WDR3: variants seen among roughly 807,000 people sequenced by gnomAD.
WDR3 encodes the protein WD repeat domain 3.
A neutral mutation model predicts 123.7 loss-of-function variants in WDR3; 81 were observed. The ratio of observed to expected loss-of-function variants is 0.65; its 90% CI spans 0.55 to 0.79. The LOEUF is 0.79. Ranked by LOEUF, WDR3 falls within the 30% of genes least tolerant of loss-of-function variation. The probability of loss-of-function intolerance (pLI) is 0.00; values close to 1 mark genes in which losing one functional copy is unlikely to be tolerated. For synonymous variants in WDR3, 390 were observed against 388.8 expected, an observed-to-expected ratio of 1.00 and a Z score of -0.04; for missense variants, 1,027 against 1,123.2, an observed-to-expected ratio of 0.91 and a Z score of 1.22.
chr1:117,942,295 TATC>T (rs1299984787), intron 9 of WDR3, 139 bp from the exon 10 acceptor site: 1 of 684,508 alleles, frequency 1.5e-6, no homozygotes, highest in African/African-American at 1.8e-5. Context: ...ATTGTTTAAT[TATC>T]ATGGTAATCC....
chr1:117,934,538 C>T lies in WDR3; in HGVS notation c.237C>T (p.His79=), dbSNP rs760195824. 6.2e-7 allele frequency: 1 copy of T among 1,614,166 alleles called. No homozygotes were observed. ...TCLCPSPDGL[H]LAVGYEDGSI... is the part of the protein sequence containing the mutation. Reference sequence around the variant, plus strand: ...TATGCCCCTCCCCAGATGGGCTACACTTAGCTGTTGGGTATGAGGATGGGT... The same window carrying T: ...TATGCCCCTCCCCAGATGGGCTACATTTAGCTGTTGGGTATGAGGATGGGT... Residue 79 remains histidine (H), a synonymous_variant, in exon 3 of 27, where the codon CAC becomes CAT. Coordinates refer to ENST00000349139, the MANE Select transcript of WDR3 (RefSeq NM_006784.3).
chr1:117,955,853 G>A (rs1365795092), intron 24 of WDR3, among the ~76,000 whole-genome samples: 1 of 150,820 alleles, frequency 6.6e-6, no homozygotes, highest in African/African-American at 2.4e-5. Flanking sequence ...GCTATTATCA[G>A]TGGCTTCACT....
At chr1:117,946,299 G>T in intron 12 of WDR3, 120 bp downstream of exon 12, 2 of 643,260 alleles carry the variant, frequency 3.1e-6, no homozygotes, top group African/African-American at 1.9e-5. Context: ...AATCTGGGAG[G>T]ATGTTAGTTT....
chr1:117,964,181 A>G lies in WDR3; in HGVS notation c.*4734A>G, dbSNP rs1376362424. ...CTCTCCTAACTGTGACTGGCTTTCT[A>G]TAAGGAGCCATCAGTATGGTCAAGC... On this transcript the variant is annotated 3_prime_UTR_variant, in exon 27 of 27. Coordinates refer to ENST00000349139, the MANE Select transcript of WDR3 (RefSeq NM_006784.3). 2 of 332,664 alleles carry G rather than the reference A, an allele frequency of 6.0e-6. No homozygotes were observed. Among genetic ancestry groups the G allele is most frequent in the Admixed American group, 4.1e-5 (1 of 24,440 alleles). 20.6% of individuals were successfully genotyped at this position (332,664 alleles called of 1,614,324 possible).
intron 11 of WDR3, among the ~76,000 whole-genome samples, chr1:117,944,762 T>A (rs1370366828): frequency 6.6e-6 from 1 of 152,158 alleles, no homozygotes; most frequent in Non-Finnish European, 1.5e-5. Context: ...AGTGCATTGA[T>A]GTGATCTCGC....
Position 117,963,417 on chromosome 1 carries a change from G to A in WDR3, c.*3970G>A, listed in dbSNP as rs1474586742. Reference sequence around the variant, plus strand: ...CTCGCTCTGTCTCCCAGGCTGGAGTGCAGTGGCACGATCTTGGCTCACTGC... The same window carrying A: ...CTCGCTCTGTCTCCCAGGCTGGAGTACAGTGGCACGATCTTGGCTCACTGC... On this transcript the variant is annotated 3_prime_UTR_variant, in exon 27 of 27. Transcript: ENST00000349139. The A allele has an allele frequency of 2.0e-5, 3 of 150,208 alleles. No homozygotes were observed. The highest frequency in any genetic ancestry group is 2.9e-5 in the Non-Finnish European group (2 of 68,394). The allele number at this position is 150,208 out of a possible 1,614,324, so 9.3% of individuals were successfully genotyped here.
At chr1:117,952,733 G>C in intron 19 of WDR3, 71 bp downstream of exon 19, 2 of 1,567,682 alleles carry the variant, frequency 1.3e-6, no homozygotes, top group Non-Finnish European at 1.7e-6. Context: ...GAAGTTTTCT[G>C]TCTAGTGCAG....
rs1001427895 is a variant in WDR3, at chr1:117,960,158, GTATGTA to G, written c.*712_*717del. On this transcript the variant is annotated 3_prime_UTR_variant, in exon 27 of 27. Coordinates refer to ENST00000349139, the MANE Select transcript of WDR3 (RefSeq NM_006784.3). Reference sequence around the variant, plus strand: ...TGTGTGTGTGTGTGTATGTGTATGTGTATGTACACATACATATATATAGTTGACACT... The same window carrying G: ...TGTGTGTGTGTGTGTATGTGTATGTGCACATACATATATATAGTTGACACT... 3 of 150,618 alleles carry G rather than the reference GTATGTA, an allele frequency of 2.0e-5. No individual in the cohort carries two copies. Among genetic ancestry groups the G allele is most frequent in the African/African-American group, 7.3e-5 (3 of 40,900 alleles). 9.3% of individuals were successfully genotyped at this position (150,618 alleles called of 1,614,324 possible).
chr1:117,939,523 G>T lies in WDR3; in HGVS notation c.626G>T (p.Gly209Val), dbSNP rs1463069756. The change falls in exon 6 of 27, where the codon GGG becomes GTG. Residue 209 changes from glycine (G) to valine (V), a missense_variant. Transcript: ENST00000349139. ...TCAGAAGAAAAGCGACTCATCACTG[G>T]GGCCTCAGACAGTGAACTGAGGGTA... ...LLSEEKRLIT[G>V]ASDSELRVWD... 1.2e-6 allele frequency: 2 copies of T among 1,613,784 alleles called. No homozygotes were observed. The highest frequency in any genetic ancestry group is 2.2e-5 in the South Asian group (2 of 91,078).
intron 25 of WDR3, among the ~76,000 whole-genome samples, chr1:117,958,534 G>A (rs1652555620): frequency 6.6e-6 from 1 of 152,132 alleles, no homozygotes; most frequent in African/African-American, 2.4e-5. Context: ...CTTTTTTGCT[G>A]TGGCTTTATT....
intron 4 of WDR3, among the ~76,000 whole-genome samples, chr1:117,937,535 T>C (rs1650989228): frequency 1.3e-5 from 2 of 152,208 alleles, no homozygotes; most frequent in South Asian, 4.1e-4. Context: ...TGGGATAGGA[T>C]ACAGGTAAAT....
rs1177263634 is a variant in WDR3, at chr1:117,949,992, T to C, written c.1611-3T>C. ...TTTTTCTTGATGTTTTTTGTGGTGCTAGACTTTCTGTGAAGCAAACCCGAA... is the reference window on the plus strand; with the variant it reads ...TTTTTCTTGATGTTTTTTGTGGTGCCAGACTTTCTGTGAAGCAAACCCGAA... On this transcript the variant is annotated splice_region_variant and splice_polypyrimidine_tract_variant and intron_variant, in intron 14 of 26. Transcript: ENST00000349139. 5.0e-6 allele frequency: 8 copies of C among 1,613,964 alleles called. No homozygotes were observed. Among genetic ancestry groups the C allele is most frequent in the Non-Finnish European group, 6.8e-6 (8 of 1,179,906 alleles).
At chr1:117,953,631 T>C in intron 21 of WDR3, 90 bp downstream of exon 21, 11 of 1,387,420 alleles carry the variant, frequency 7.9e-6, no homozygotes, top group Non-Finnish European at 1.1e-5. Context: ...AGAAAGCCAT[T>C]TTTTTGGCAA....
At chr1:117,948,534 G>A (rs1651490303) in intron 13 of WDR3, 28 bp downstream of exon 13, 1 of 1,590,010 alleles carries the variant, frequency 6.3e-7, no homozygotes, top group Non-Finnish European at 8.6e-7. Context: ...TAAAGCCCTG[G>A]AGTTCAGCCC....
chr1:117,947,733 A>G (rs1651457350), intron 12 of WDR3, among the ~76,000 whole-genome samples: 1 of 152,186 alleles, frequency 6.6e-6, no homozygotes, highest in African/African-American at 2.4e-5. Flanking sequence ...CTGGTACTCA[A>G]GTCTTTTAGC....
At chr1:117,953,852 G>A in intron 21 of WDR3, 155 bp from the exon 22 acceptor site, 1 of 657,848 alleles carries the variant, frequency 1.5e-6, no homozygotes, top group Admixed American at 3.1e-5. Context: ...AACCAAAAAT[G>A]TCTTTAAATG....
In WDR3 at chr1:117,941,028, A is replaced by T. The variant is rs1651153780; in HGVS notation, c.789+88A>T. On this transcript the variant is annotated intron_variant, in intron 7 of 26. Transcript: ENST00000349139. ...TTTTTAGGGAATCATCACTTTAGGG[A>T]ATATTTTTGTCACTTGCACTTATTA... 3 of 1,575,120 alleles carry T rather than the reference A, an allele frequency of 1.9e-6. No individual in the cohort carries two copies. The African/African-American group carries it at 4.1e-5, about 21-fold the overall frequency.
At chr1:117,941,922 T>A in intron 9 of WDR3, 75 bp downstream of exon 9, 1 of 1,476,082 alleles carries the variant, frequency 6.8e-7, no homozygotes. Flanking sequence ...AAAACTGGCT[T>A]CTTTCATATT....
chr1:117,942,301 G>A, intron 9 of WDR3, 136 bp from the exon 10 acceptor site: 1 of 700,016 alleles, frequency 1.4e-6, no homozygotes, highest in Non-Finnish European at 2.5e-6. Context: ...TAATTATCAT[G>A]GTAATCCTGT....
Sources: allele counts gnomAD v4.1 joint callset (sites outside exome capture counted in the v4.1 genomes callset), GRCh38; gene constraint gnomAD v4.1.1; transcripts MANE v1.5; gene names NCBI Gene and HGNC (gene_info 2026-07-23, HGNC 2026-07-21).